GRIN2A: variants seen among roughly 807,000 people sequenced by gnomAD.
GRIN2A encodes glutamate receptor ionotropic, NMDA 2A.
In GRIN2A, 22 loss-of-function variants were observed where a neutral mutation model predicts 113.4. The observed-to-expected ratio is 0.19, with a 90% confidence interval of 0.14 to 0.28. GRIN2A has a LOEUF of 0.28. GRIN2A is among the 10% of genes least tolerant of loss of function. The probability of loss-of-function intolerance (pLI) is 1.00; values close to 1 mark genes in which losing one functional copy is unlikely to be tolerated. For synonymous variants in GRIN2A, 827 were observed against 738.4 expected (o/e 1.12, Z -1.94); for missense variants, 1,502 against 1,887.0 (o/e 0.80, Z 3.78).
chr16:10,031,453 A>T (rs1190167996), intron 2 of GRIN2A: 2 of 152,254 alleles, frequency 1.3e-5, no homozygotes, highest in Non-Finnish European at 2.9e-5. Context: ...TGCCACATTC[A>T]TTCACTTGCT....
chr16:10,179,893 C>CCCCCAAAAAAAAAAAAA, intron 2 of GRIN2A, 105 bp downstream of exon 2: 1 of 719,818 alleles, frequency 1.4e-6, no homozygotes, highest in Non-Finnish European at 2.4e-6. Flanking sequence ...CCCCCACCCC[C>CCCCCAAAAAAAAAAAAA]ACTTCACATC....
At chr16:10,181,027 A>G (rs113237844) in intron 1 of GRIN2A, among the ~76,000 whole-genome samples, 1,648 of 152,188 alleles carry the variant, frequency 0.011, 21 homozygotes, top group Middle Eastern at 0.024. Flanking sequence ...CCCAGCCCCA[A>G]CTACAGACCC....
intron 4 of GRIN2A, among the ~76,000 whole-genome samples, chr16:9,876,660 A>G (rs7194284): frequency 0.34 from 52,121 of 151,828 alleles, 10,046 homozygotes; most frequent in African/African-American, 0.53. Flanking sequence ...GCCTGTACCT[A>G]CTACAGGCCT....
intron 2 of GRIN2A, among the ~76,000 whole-genome samples, chr16:10,063,236 A>G (rs986219882): frequency 6.6e-6 from 1 of 152,208 alleles, no homozygotes; most frequent in African/African-American, 2.4e-5. Flanking sequence ...TGAGGAGAGC[A>G]AGGCTGAAAA....
chr16:9,787,380 A>G (rs1902294678), intron 11 of GRIN2A, among the ~76,000 whole-genome samples: 1 of 152,140 alleles, frequency 6.6e-6, no homozygotes, highest in African/African-American at 2.4e-5. Flanking sequence ...TTGGACTTTG[A>G]CTCTACCTTT....
chr16:10,026,114 C>T (rs2046815260), intron 2 of GRIN2A, among the ~76,000 whole-genome samples: 2 of 152,156 alleles, frequency 1.3e-5, no homozygotes, highest in South Asian at 4.1e-4. Flanking sequence ...ATATCTAGAG[C>T]ATGAGGACAC....
chr16:10,004,691 A>C (rs2046376187), intron 2 of GRIN2A, among the ~76,000 whole-genome samples: 1 of 152,108 alleles, frequency 6.6e-6, no homozygotes, highest in South Asian at 2.1e-4. Context: ...TTGGTCATCA[A>C]ACTGTCATCT....
intron 2 of GRIN2A, among the ~76,000 whole-genome samples, chr16:10,044,012 T>C (rs1267419356): frequency 2.3e-4 from 28 of 120,448 alleles, no homozygotes; most frequent in African/African-American, 9.5e-4. Context: ...TGTGTGTATA[T>C]ATATATATAT....
At chr16:9,991,747 G>A (rs1006641905) in intron 2 of GRIN2A, among the ~76,000 whole-genome samples, 4 of 152,130 alleles carry the variant, frequency 2.6e-5, no homozygotes, top group African/African-American at 7.2e-5. Flanking sequence ...CATGTCCTTC[G>A]CAGAGACATG....
chr16:10,045,427 A>G (rs1449383410), intron 2 of GRIN2A, among the ~76,000 whole-genome samples: 2 of 150,408 alleles, frequency 1.3e-5, no homozygotes, highest in African/African-American at 4.9e-5. Flanking sequence ...TTTTTTTTGC[A>G]CTGGCTCCCG....
intron 2 of GRIN2A, among the ~76,000 whole-genome samples, chr16:9,956,302 T>C (rs117682692): frequency 0.012 from 1,870 of 152,274 alleles, 25 homozygotes; most frequent in Admixed American, 0.016. Context: ...ATAATACCCA[T>C]ACTTAAAAAG....
chr16:9,859,643 C>CACACACAG (rs144711120), intron 4 of GRIN2A, among the ~76,000 whole-genome samples: 1,473 of 146,918 alleles, frequency 0.01, 34 homozygotes, highest in African/African-American at 0.036. Flanking sequence ...CACACACACA[C>CACACACAG]AGAGAGGATA....
At chr16:10,146,476 G>A (rs1275805164) in intron 2 of GRIN2A, among the ~76,000 whole-genome samples, 1 of 152,048 alleles carries the variant, frequency 6.6e-6, no homozygotes, top group Non-Finnish European at 1.5e-5. Flanking sequence ...TACAAGGGGA[G>A]GGAGGTACTT....
intron 3 of GRIN2A, among the ~76,000 whole-genome samples, chr16:9,929,820 T>C (rs1260478335): frequency 6.6e-6 from 1 of 152,334 alleles, no homozygotes; most frequent in Non-Finnish European, 1.5e-5. Context: ...TCCAAAATCC[T>C]AAGACTTACA....
intron 10 of GRIN2A, among the ~76,000 whole-genome samples, chr16:9,821,065 C>A (rs1034518175): frequency 2.6e-5 from 4 of 151,992 alleles, no homozygotes; most frequent in African/African-American, 9.7e-5. Flanking sequence ...TTTAGAGGGG[C>A]CTCTGTCTCC....
rs376201380 is a variant in GRIN2A at position 9,758,349 on chromosome 16, C to T, written c.*4800G>A. 13 of 224,026 alleles carry T rather than the reference C, an allele frequency of 5.8e-5. No individual in the cohort carries two copies. The East Asian group carries it at 8.3e-4, about 14-fold the overall frequency. The allele number at this position is 224,026 out of a possible 1,614,324, so 13.9% of individuals were successfully genotyped here. A position where few individuals can be genotyped will look rare whatever the true frequency, so the allele number is the denominator to read the frequency against. ...GAAGCAAATGCGAGCAGAATATATT[C>T]TATACCCCTCATCCCAGAGTTTTGT... is the stretch of plus-strand genomic sequence containing the variant. On this transcript the variant is annotated 3_prime_UTR_variant, in exon 13 of 13. Coordinates refer to ENST00000330684, the MANE Select transcript of GRIN2A (RefSeq NM_001134407.3).
In GRIN2A at chr16:10,068,043, T is replaced by A. The variant is rs187984458; in HGVS notation, c.414+111955A>T. Among the ~76,000 whole-genome samples, 416 of 152,314 alleles carry A rather than the reference T, an allele frequency of 2.7e-3. 2 individuals are homozygous for A. Among genetic ancestry groups the A allele is most frequent in the African/African-American group, 9.8e-3 (406 of 41,578 alleles). ...GGCTGAAAGCCATCTGTGGGATAGA[T>A]GAGATGAGATGGCAGATGTGCAATG... On this transcript the variant is annotated intron_variant, in intron 2 of 12. Coordinates refer to ENST00000330684, the MANE Select transcript of GRIN2A (RefSeq NM_001134407.3).
intron 2 of GRIN2A, among the ~76,000 whole-genome samples, chr16:10,149,289 T>C (rs991142225): frequency 6.6e-6 from 1 of 152,238 alleles, no homozygotes; most frequent in Non-Finnish European, 1.5e-5. Flanking sequence ...TACCCTGATA[T>C]GATTATAGCA....
intron 2 of GRIN2A, among the ~76,000 whole-genome samples, chr16:9,962,020 C>A (rs1361790922): frequency 6.6e-6 from 1 of 152,104 alleles, no homozygotes; most frequent in Non-Finnish European, 1.5e-5. Context: ...GAAAGGATTC[C>A]CTATTTAATA....
Sources: allele counts gnomAD v4.1 joint callset (sites outside exome capture counted in the v4.1 genomes callset), GRCh38; gene constraint gnomAD v4.1.1; transcripts MANE v1.5; gene names NCBI Gene and HGNC (gene_info 2026-07-23, HGNC 2026-07-21).